The following PCDH15 variants were observed in gnomAD, a reference collection of about 807,000 sequenced individuals.
The protein encoded by PCDH15 is protocadherin related 15, also known as protocadherin-15.
In PCDH15, 129 loss-of-function variants were observed where a neutral mutation model predicts 178.5. That is an observed-to-expected ratio of 0.72 (90% CI 0.63 to 0.84). The LOEUF (loss-of-function observed/expected upper bound fraction) is 0.84. Among genes scored for constraint, PCDH15 ranks in the 40% least tolerant of loss-of-function variants. PCDH15 has a pLI of 0.00. For missense variants in PCDH15, 2,230 were observed against 2,099.9 expected (o/e 1.06, Z -1.21); for synonymous variants, 800 against 732.0 (o/e 1.09, Z -1.50).
chr10:54,481,135 C>T (rs984287538), intron 3 of PCDH15, among the ~76,000 whole-genome samples: 22 of 151,804 alleles, frequency 1.4e-4, no homozygotes, highest in Non-Finnish European at 2.9e-4. Flanking sequence ...TTACTCAATA[C>T]TTGATTTTCT....
At chr10:53,889,692 C>G (rs1192253599) in intron 26 of PCDH15, among the ~76,000 whole-genome samples, 1 of 152,082 alleles carries the variant, frequency 6.6e-6, no homozygotes, top group Non-Finnish European at 1.5e-5. Context: ...AGAATTTCTA[C>G]TCCTAAGTAT....
intron 18 of PCDH15, among the ~76,000 whole-genome samples, chr10:54,030,258 C>T (rs2093253902): frequency 6.6e-6 from 1 of 151,878 alleles, no homozygotes; most frequent in Non-Finnish European, 1.5e-5. Context: ...AAGTGGGAAC[C>T]ATAAAAGCTG....
chr10:54,539,259 A>G (rs935591951), intron 2 of PCDH15, among the ~76,000 whole-genome samples: 1 of 152,176 alleles, frequency 6.6e-6, no homozygotes, highest in Admixed American at 6.5e-5. Context: ...TGATCCCCAT[A>G]GGCTCAAAGT....
intron 3 of PCDH15, among the ~76,000 whole-genome samples, chr10:54,817,527 C>T (rs1057425491): frequency 1.3e-5 from 2 of 151,924 alleles, no homozygotes; most frequent in African/African-American, 2.4e-5. Flanking sequence ...TTCCTGTGAC[C>T]TCGCCCATCA....
intron 2 of PCDH15, among the ~76,000 whole-genome samples, chr10:55,364,731 C>T (rs916995252): frequency 6.6e-5 from 10 of 152,040 alleles, no homozygotes; most frequent in East Asian, 3.9e-4. Context: ...ATATTGTCCT[C>T]ACAGATTCCT....
intron 25 of PCDH15, among the ~76,000 whole-genome samples, chr10:53,914,947 C>T (rs1376609355): frequency 6.6e-6 from 1 of 152,044 alleles, no homozygotes; most frequent in Non-Finnish European, 1.5e-5. Context: ...TCTTTATGTT[C>T]CCCTGTTCCA....
At chr10:53,997,200 A>G (rs1238460783) in intron 20 of PCDH15, among the ~76,000 whole-genome samples, 1 of 152,194 alleles carries the variant, frequency 6.6e-6, no homozygotes, top group Non-Finnish European at 1.5e-5. Flanking sequence ...CATCTCTTCT[A>G]TGAAAAATAT....
chr10:54,274,426 T>C (rs1185027427), intron 8 of PCDH15, among the ~76,000 whole-genome samples: 2 of 152,078 alleles, frequency 1.3e-5, no homozygotes, highest in East Asian at 3.9e-4. Context: ...TATATATTTT[T>C]AGTGTATATT....
chr10:54,170,958 G>T (rs890074601), intron 13 of PCDH15, among the ~76,000 whole-genome samples: 7 of 151,956 alleles, frequency 4.6e-5, no homozygotes, highest in Non-Finnish European at 8.8e-5. Flanking sequence ...TCGAGGATTT[G>T]CCCCACCCAG....
chr10:55,093,948 T>G (rs1842381509), intron 2 of PCDH15, among the ~76,000 whole-genome samples: 1 of 152,002 alleles, frequency 6.6e-6, no homozygotes, highest in Non-Finnish European at 1.5e-5. Context: ...TTGGTGGGAG[T>G]GTAAACTAGT....
chr10:53,858,749 A>G (rs1217783151), intron 27 of PCDH15, among the ~76,000 whole-genome samples: 2 of 152,060 alleles, frequency 1.3e-5, no homozygotes, highest in Admixed American at 6.6e-5. Context: ...TTTCCCTTCA[A>G]CATGTAAATG....
chr10:55,439,439 T>C (rs1258993175), intron 2 of PCDH15, among the ~76,000 whole-genome samples: 1 of 152,020 alleles, frequency 6.6e-6, no homozygotes, highest in Admixed American at 6.6e-5. Context: ...CCAGAGAACC[T>C]AATAGAGAAT....
intron 28 of PCDH15, among the ~76,000 whole-genome samples, chr10:53,845,163 A>G (rs1280972472): frequency 6.6e-6 from 1 of 151,954 alleles, no homozygotes; most frequent in East Asian, 1.9e-4. Flanking sequence ...TCAAAATCAC[A>G]ATGAAATATT....
chr10:54,214,623 G>A (rs2051804800), intron 9 of PCDH15, among the ~76,000 whole-genome samples: 1 of 152,082 alleles, frequency 6.6e-6, no homozygotes, highest in Admixed American at 6.6e-5. Flanking sequence ...ATAGAGCCCT[G>A]CTGTGTCACC....
At chr10:54,141,392 C>A (rs562120484) in intron 14 of PCDH15, among the ~76,000 whole-genome samples, 1 of 151,914 alleles carries the variant, frequency 6.6e-6, no homozygotes, top group Non-Finnish European at 1.5e-5. Context: ...TTTATGAGTT[C>A]TAAACACAAA....
At chr10:55,592,924 A>G (rs1476617516) in intron 2 of PCDH15, among the ~76,000 whole-genome samples, 3 of 152,122 alleles carry the variant, frequency 2.0e-5, no homozygotes, top group Non-Finnish European at 2.9e-5. Context: ...AACATTTTCT[A>G]AAGAGATTTT....
chr10:55,166,725 T>C lies in PCDH15; in HGVS notation c.-155-74A>G, dbSNP rs566511462. ...ACTCTAGTGCAAAACATAGGAGCAA[T>C]TCATTTTCTTACAGATTATGATTAT... On this transcript the variant is annotated intron_variant, in intron 1 of 5. Transcript: ENST00000458638. 5.3e-5 allele frequency: 8 copies of C among 152,292 alleles called. No homozygotes were observed. In the East Asian group the frequency reaches 1.4e-3, roughly 26 times the overall value. The allele number at this position is 152,292 out of a possible 1,614,324, so 9.4% of individuals were successfully genotyped here. A position where few individuals can be genotyped will look rare whatever the true frequency, so the allele number is the denominator to read the frequency against.
intron 3 of PCDH15, among the ~76,000 whole-genome samples, chr10:54,827,474 T>G (rs1953151081): frequency 6.6e-6 from 1 of 152,142 alleles, no homozygotes; most frequent in Non-Finnish European, 1.5e-5. Flanking sequence ...AGTGTCTTCA[T>G]TCTGCTAATT....
rs1019995025 is a variant in PCDH15, at chr10:53,803,922, T to TATAA, written c.*2653_*2656dup. 2.0e-4 allele frequency: 31 copies of TATAA among 152,110 alleles called. No individual in the cohort carries two copies. The highest frequency in any genetic ancestry group is 7.0e-4 in the African/African-American group (29 of 41,544). The allele number at this position is 152,110 out of a possible 1,614,324, so 9.4% of individuals were successfully genotyped here. On this transcript the variant is annotated 3_prime_UTR_variant, in exon 38 of 38. Transcript: ENST00000644397. ...TAGGAAAAATAACAACCAATTTCTTTATAAATATTTACATTGAAACGTTAT... is the reference window on the plus strand; with the variant it reads ...TAGGAAAAATAACAACCAATTTCTTTATAAATAAATATTTACATTGAAACGTTAT...
Sources: gnomAD v4.1 joint callset for allele counts (sites outside exome capture counted in the v4.1 genomes callset) on GRCh38, gnomAD v4.1.1 for gene constraint, MANE v1.5 for transcripts, NCBI Gene and HGNC (gene_info 2026-07-23, HGNC 2026-07-21) for gene names.